Variants in CNBD1 observed in about 807,000 individuals in gnomAD.
CNBD1 encodes the protein cyclic nucleotide binding domain containing 1, also known as cyclic nucleotide-binding domain-containing protein 1.
Under a neutral mutation model 54.4 loss-of-function variants are expected in CNBD1, and 71 were observed. The observed-to-expected ratio is 1.30, with a 90% CI of 1.08 to 1.59. CNBD1 has a LOEUF of 1.59. Ranked by LOEUF, CNBD1 falls within the 40% of genes most tolerant of loss-of-function variation. The pLI is 0.00. For synonymous variants in CNBD1, 182 were observed against 170.7 expected, an observed-to-expected ratio of 1.07 and a Z score of -0.51; for missense variants, 659 against 518.0, an observed-to-expected ratio of 1.27 and a Z score of -2.64.
chr8:87,400,357 T>C (rs1807535280), intron 2 of CNBD1, among the ~76,000 whole-genome samples: 1 of 151,988 alleles, frequency 6.6e-6, no homozygotes, highest in East Asian at 1.9e-4. Flanking sequence ...TTGATACACC[T>C]TAATGTGTAG....
intron 4 of CNBD1, among the ~76,000 whole-genome samples, chr8:86,961,847 C>A (rs1170347542): frequency 6.6e-6 from 1 of 152,212 alleles, no homozygotes; most frequent in East Asian, 1.9e-4. Context: ...CCAATCAGAG[C>A]TCTTTTATAT....
intron 4 of CNBD1, among the ~76,000 whole-genome samples, chr8:87,205,036 G>T (rs1813941952): frequency 6.6e-6 from 1 of 151,506 alleles, no homozygotes; most frequent in African/African-American, 2.4e-5. Flanking sequence ...ACATAAACCT[G>T]TATGCATACA....
intron 8 of CNBD1, among the ~76,000 whole-genome samples, chr8:87,295,005 C>CT (rs1275866270): frequency 1.3e-5 from 2 of 151,372 alleles, no homozygotes; most frequent in South Asian, 2.1e-4. Context: ...CATGAAGCTT[C>CT]TTTTTTTATA....
intron 4 of CNBD1, among the ~76,000 whole-genome samples, chr8:86,946,269 T>TA (rs529697173): frequency 1.8e-3 from 278 of 152,238 alleles, no homozygotes; most frequent in African/African-American, 6.1e-3. Context: ...AACTTATGAA[T>TA]AAATAACAGC....
chr8:87,361,231 C>G (rs1400029382), intron 10 of CNBD1, among the ~76,000 whole-genome samples: 1 of 151,702 alleles, frequency 6.6e-6, no homozygotes, highest in Non-Finnish European at 1.5e-5. Flanking sequence ...TTTGTTATTC[C>G]TTACTAATAC....
chr8:87,012,565 C>T (rs60483785), intron 4 of CNBD1, among the ~76,000 whole-genome samples: 7,632 of 152,154 alleles, frequency 0.05, 635 homozygotes, highest in African/African-American at 0.17. Context: ...GCCTTCCTTC[C>T]CAGATCCAGG....
chr8:87,004,983 C>T (rs1177150727), intron 4 of CNBD1, among the ~76,000 whole-genome samples: 2 of 151,712 alleles, frequency 1.3e-5, no homozygotes, highest in African/African-American at 4.8e-5. Context: ...ATAATTCAAA[C>T]CCAAGACACA....
chr8:87,421,660 A>C (rs1586092764), intron 2 of CNBD1, among the ~76,000 whole-genome samples: 1 of 151,444 alleles, frequency 6.6e-6, no homozygotes, highest in East Asian at 1.9e-4. Context: ...ACATTTTCTT[A>C]ATCCAGTCTA....
chr8:87,069,730 CT>C (rs2130650392), intron 4 of CNBD1, among the ~76,000 whole-genome samples: 1 of 152,124 alleles, frequency 6.6e-6, no homozygotes, highest in East Asian at 1.9e-4. Context: ...TCCACCTTGT[CT>C]TTTTCTTGTA....
chr8:87,031,516 T>G (rs1809790716), intron 4 of CNBD1, among the ~76,000 whole-genome samples: 1 of 152,122 alleles, frequency 6.6e-6, no homozygotes, highest in Non-Finnish European at 1.5e-5. Flanking sequence ...GAATTATAAT[T>G]TAGGAGCTAC....
chr8:87,047,677 C>A (rs1339410073), intron 4 of CNBD1, among the ~76,000 whole-genome samples: 3 of 152,152 alleles, frequency 2.0e-5, no homozygotes, highest in Non-Finnish European at 2.9e-5. Flanking sequence ...GCAAAGTAAG[C>A]AAAATAATTC....
rs1378210726 is a variant in CNBD1 at position 87,423,867 on chromosome 8, G to T, written c.214-4679G>T. 3.3e-5 allele frequency among the ~76,000 whole-genome samples: 5 copies of T among 152,304 alleles called. No individual in the cohort carries two copies. In the East Asian group the frequency reaches 7.7e-4, roughly 24 times the overall value. On this transcript the variant is annotated intron_variant, in intron 2 of 7. Coordinates refer to the CNBD1 transcript ENST00000521593. ...GAAGGAATGGTACCAGTTCCTCCTT[G>T]TACCTCTGGTAGAATTTGGCTGTGA...
chr8:87,396,898 T>A (rs1033208381), intron 2 of CNBD1, among the ~76,000 whole-genome samples: 3 of 151,090 alleles, frequency 2.0e-5, no homozygotes, highest in South Asian at 2.1e-4. Context: ...TTTCTTTTTT[T>A]TTTTTTCAAG....
chr8:87,354,611 G>A (rs184822296), intron 10 of CNBD1, among the ~76,000 whole-genome samples: 61 of 149,852 alleles, frequency 4.1e-4, no homozygotes, highest in African/African-American at 1.4e-3. Flanking sequence ...CTGTGTCCAT[G>A]TGTTCTCATT....
chr8:87,093,970 A>G (rs1439865121), intron 4 of CNBD1, among the ~76,000 whole-genome samples: 3 of 152,208 alleles, frequency 2.0e-5, no homozygotes, highest in African/African-American at 7.2e-5. Context: ...GGCATGCAGT[A>G]ACTATTAAAG....
At chr8:87,427,402 T>C (rs1230380615) in intron 2 of CNBD1, among the ~76,000 whole-genome samples, 2 of 152,272 alleles carry the variant, frequency 1.3e-5, no homozygotes, top group African/African-American at 4.8e-5. Flanking sequence ...TTCAGTAGGC[T>C]GTATAAGATG....
intron 4 of CNBD1, among the ~76,000 whole-genome samples, chr8:87,093,441 C>T (rs1035293549): frequency 6.6e-6 from 1 of 152,102 alleles, no homozygotes; most frequent in Non-Finnish European, 1.5e-5. Flanking sequence ...AGTTTACTGG[C>T]AGAATTCGTT....
intron 4 of CNBD1, among the ~76,000 whole-genome samples, chr8:87,034,078 G>A (rs1809854875): frequency 1.3e-5 from 2 of 152,170 alleles, no homozygotes; most frequent in African/African-American, 4.8e-5. Flanking sequence ...TGGCTGCAGT[G>A]AGAGCTTCAG....
At chr8:87,328,163 T>C (rs1218066502) in intron 8 of CNBD1, among the ~76,000 whole-genome samples, 1 of 152,008 alleles carries the variant, frequency 6.6e-6, no homozygotes. Context: ...CAGGCCCTGG[T>C]GTGTGATGTT....
Sources: gnomAD v4.1 joint callset for allele counts (sites outside exome capture counted in the v4.1 genomes callset) on GRCh38, gnomAD v4.1.1 for gene constraint, MANE v1.5 for transcripts, NCBI Gene and HGNC (gene_info 2026-07-23, HGNC 2026-07-21) for gene names.